DNAH14: variants seen among roughly 807,000 people sequenced by gnomAD.
DNAH14 encodes axonemal beta dynein heavy chain 14.
A neutral mutation model predicts 520.9 loss-of-function variants in DNAH14; 478 were observed. The ratio of observed to expected loss-of-function variants is 0.92; its 90% CI spans 0.85 to 0.99. The LOEUF (loss-of-function observed/expected upper bound fraction) is 0.99. DNAH14 is among the 50% of genes least tolerant of loss of function. DNAH14 has a pLI of 0.00. For missense variants in DNAH14, 4,831 were observed against 5,234.5 expected (o/e 0.92, Z 2.38); for synonymous variants, 1,581 against 1,757.2 (o/e 0.90, Z 2.51).
At chr1:225,212,405 C>T (rs2088582629) in intron 41 of DNAH14, among the ~76,000 whole-genome samples, 1 of 152,068 alleles carries the variant, frequency 6.6e-6, no homozygotes, top group Non-Finnish European at 1.5e-5. Context: ...ATTTATAATC[C>T]TTTGGGTATA....
chr1:225,370,365 A>AAT (rs1454380530), intron 77 of DNAH14, among the ~76,000 whole-genome samples: 147 of 150,006 alleles, frequency 9.8e-4, no homozygotes, highest in African/African-American at 1.9e-3. Context: ...TAAAAAGTAA[A>AAT]ATATATATAT....
At chr1:225,075,685 TA>T (rs974086367) in intron 17 of DNAH14, among the ~76,000 whole-genome samples, 3 of 151,232 alleles carry the variant, frequency 2.0e-5, no homozygotes, top group South Asian at 2.1e-4. Flanking sequence ...ACCCTACCTC[TA>T]AAAAAAAAGT....
At chr1:225,049,164 A>G (rs1008164771) in intron 15 of DNAH14, among the ~76,000 whole-genome samples, 1 of 142,134 alleles carries the variant, frequency 7.0e-6, no homozygotes, top group Non-Finnish European at 1.5e-5. Flanking sequence ...GGTTCAAGCA[A>G]TTCTCTGCTT....
intron 22 of DNAH14, among the ~76,000 whole-genome samples, chr1:225,100,383 G>GATC (rs1330495531): frequency 6.6e-6 from 1 of 152,120 alleles, no homozygotes; most frequent in Non-Finnish European, 1.5e-5. Flanking sequence ...TTCTGCTCTA[G>GATC]ATCGTCAGTA....
chr1:225,172,315 G>T (rs1165512529), intron 36 of DNAH14, among the ~76,000 whole-genome samples: 7 of 152,188 alleles, frequency 4.6e-5, no homozygotes, highest in Non-Finnish European at 1.0e-4. Context: ...AAAAGAGGAA[G>T]TCAAATTGTC....
intron 23 of DNAH14, among the ~76,000 whole-genome samples, chr1:225,102,819 A>G (rs1233470369): frequency 6.6e-6 from 1 of 151,846 alleles, no homozygotes; most frequent in African/African-American, 2.4e-5. Flanking sequence ...GATTGCAAAA[A>G]TTTTCTGCCA....
chr1:225,281,979 C>G (rs79051394), intron 54 of DNAH14, among the ~76,000 whole-genome samples: 3 of 145,490 alleles, frequency 2.1e-5, no homozygotes, highest in East Asian at 2.2e-4. Flanking sequence ...CACACACACA[C>G]GACGGTAACT....
At chr1:224,973,258 C>G (rs925329211) in intron 7 of DNAH14, among the ~76,000 whole-genome samples, 1 of 152,220 alleles carries the variant, frequency 6.6e-6, no homozygotes, top group African/African-American at 2.4e-5. Context: ...TAGCCAACGT[C>G]ATCACTAGGA....
chr1:224,952,460 A>C (rs2060239948), intron 1 of DNAH14, among the ~76,000 whole-genome samples: 1 of 152,216 alleles, frequency 6.6e-6, no homozygotes, highest in Non-Finnish European at 1.5e-5. Flanking sequence ...CATAGAAAGG[A>C]AGTTAGACAA....
chr1:224,962,241 T>C (rs1471707778), intron 4 of DNAH14, among the ~76,000 whole-genome samples: 1 of 152,138 alleles, frequency 6.6e-6, no homozygotes, highest in Non-Finnish European at 1.5e-5. Context: ...TGATGGACTG[T>C]CACTCCCATG....
intron 42 of DNAH14, among the ~76,000 whole-genome samples, chr1:225,237,836 T>G (rs2091703529): frequency 6.6e-6 from 1 of 152,250 alleles, no homozygotes; most frequent in South Asian, 2.1e-4. Context: ...TGTCTTATTC[T>G]TGTCTGCCTG....
chr1:225,261,575 C>T (rs2092937603), intron 46 of DNAH14, among the ~76,000 whole-genome samples: 1 of 152,080 alleles, frequency 6.6e-6, no homozygotes. Context: ...CATCTATGTT[C>T]ATCAGGGATA....
chr1:225,107,385 T>G (rs1482415530), intron 23 of DNAH14, among the ~76,000 whole-genome samples: 2 of 152,204 alleles, frequency 1.3e-5, no homozygotes, highest in Non-Finnish European at 2.9e-5. Flanking sequence ...CTTTAGTTTT[T>G]ATGAACATGT....
intron 17 of DNAH14, among the ~76,000 whole-genome samples, chr1:225,070,601 T>C (rs1157881285): frequency 2.0e-5 from 3 of 152,188 alleles, no homozygotes; most frequent in Admixed American, 6.5e-5. Context: ...TCTTTTGCAT[T>C]TGCTGAGGAG....
chr1:225,082,453 A>T (rs2073249982), intron 19 of DNAH14, 96 bp from the exon 20 acceptor site: 8 of 1,009,530 alleles, frequency 7.9e-6, no homozygotes, highest in Non-Finnish European at 4.1e-6. Flanking sequence ...GTAGTTTTTA[A>T]CAAATTTTAA....
At chr1:225,312,272 C>T (rs1230525997) in intron 60 of DNAH14, among the ~76,000 whole-genome samples, 1 of 152,078 alleles carries the variant, frequency 6.6e-6, no homozygotes, top group Non-Finnish European at 1.5e-5. Flanking sequence ...TATATGAATG[C>T]TTGTGATTTT....
intron 1 of DNAH14, among the ~76,000 whole-genome samples, chr1:224,941,983 C>A (rs551773061): frequency 3.5e-4 from 53 of 152,296 alleles, no homozygotes; most frequent in Non-Finnish European, 6.3e-4. Context: ...ATTGACTTAA[C>A]AATGCGGGCT....
At chr1:225,333,643 C>G (rs907660143) in intron 66 of DNAH14, 137 bp downstream of exon 66, 2 of 801,014 alleles carry the variant, frequency 2.5e-6, no homozygotes, top group African/African-American at 3.5e-5. Flanking sequence ...TAGTTTGTTG[C>G]AGGCCTCGAT....
intron 1 of DNAH14, among the ~76,000 whole-genome samples, chr1:224,942,027 T>G (rs533906282): frequency 1.3e-3 from 199 of 152,330 alleles, no homozygotes; most frequent in Non-Finnish European, 2.1e-3. Context: ...TAAAGTAGTT[T>G]TTTCCAATTC....
Sources: gnomAD v4.1 joint callset for allele counts (sites outside exome capture counted in the v4.1 genomes callset) on GRCh38, gnomAD v4.1.1 for gene constraint, MANE v1.5 for transcripts, NCBI Gene and HGNC (gene_info 2026-07-23, HGNC 2026-07-21) for gene names.